The following EYS variants were observed in gnomAD, a reference collection of about 807,000 sequenced individuals.
The protein encoded by EYS is EGF-like photoreceptor maintenance factor.
EYS carries 250 observed loss-of-function variants against 282.1 expected under a neutral mutation model. The ratio of observed to expected loss-of-function variants is 0.89; its 90% CI spans 0.80 to 0.98. The LOEUF is 0.98. EYS is among the 50% of genes least tolerant of loss of function. The probability of loss-of-function intolerance (pLI) is 0.00; values close to 1 mark genes in which losing one functional copy is unlikely to be tolerated. For synonymous variants in EYS, 1,355 were observed against 1,282.9 expected, an observed-to-expected ratio of 1.06 and a Z score of -1.20; for missense variants, 4,016 against 3,709.0, an observed-to-expected ratio of 1.08 and a Z score of -2.15.
intron 2 of EYS, among the ~76,000 whole-genome samples, chr6:65,503,631 T>C (rs1766541549): frequency 6.6e-6 from 1 of 151,620 alleles, no homozygotes; most frequent in African/African-American, 2.4e-5. Flanking sequence ...TTGTGAAGAG[T>C]GTAAGTTGTA....
At chr6:65,359,087 C>T (rs1334694930) in intron 8 of EYS, among the ~76,000 whole-genome samples, 1 of 151,922 alleles carries the variant, frequency 6.6e-6, no homozygotes, top group African/African-American at 2.4e-5. Context: ...CTTTGAACCT[C>T]AATAAGCTTG....
chr6:65,401,396 GT>G lies in EYS; in HGVS notation c.1184+1081del, dbSNP rs552217702. On this transcript the variant is annotated intron_variant, in intron 7 of 42. Coordinates refer to ENST00000503581, the MANE Select transcript of EYS (RefSeq NM_001142800.2). Reference sequence around the variant, plus strand: ...TTATGTTTGGGGAGGAGATGTATTTGTTTTTTTTTTTAAGTTGATCACTTTT... The same window carrying G: ...TTATGTTTGGGGAGGAGATGTATTTGTTTTTTTTTTAAGTTGATCACTTTT... 5.5e-3 allele frequency among the ~76,000 whole-genome samples: 742 copies of G among 134,894 alleles called. 7 individuals are homozygous for G. The highest frequency in any genetic ancestry group is 0.018 in the African/African-American group (674 of 37,096). The allele number at this position is 134,894 out of a possible 152,430, so 88.5% of individuals were successfully genotyped here. A position where few individuals can be genotyped will look rare whatever the true frequency, so the allele number is the denominator to read the frequency against.
At chr6:64,593,682 C>T (rs371148514) in intron 24 of EYS, among the ~76,000 whole-genome samples, 1 of 152,042 alleles carries the variant, frequency 6.6e-6, no homozygotes, top group Non-Finnish European at 1.5e-5. Context: ...CTCTAAAAGT[C>T]AAATTTAGTT....
intron 22 of EYS, among the ~76,000 whole-genome samples, chr6:64,704,988 A>T (rs1360702700): frequency 6.6e-6 from 1 of 152,092 alleles, no homozygotes; most frequent in Non-Finnish European, 1.5e-5. Flanking sequence ...AGCAATCAGA[A>T]AAGATAAAAA....
At chr6:65,617,794 T>C (rs377086166) in intron 2 of EYS, among the ~76,000 whole-genome samples, 1 of 148,990 alleles carries the variant, frequency 6.7e-6, no homozygotes. Flanking sequence ...TGAGTGAGAA[T>C]ATGTGGTGTT....
At chr6:64,346,025 T>C (rs1314328692) in intron 29 of EYS, among the ~76,000 whole-genome samples, 1 of 152,068 alleles carries the variant, frequency 6.6e-6, no homozygotes. Flanking sequence ...CCGGTTAGAA[T>C]GGTGATCATT....
At chr6:64,649,587 C>G (rs1237988821) in intron 22 of EYS, among the ~76,000 whole-genome samples, 1 of 152,144 alleles carries the variant, frequency 6.6e-6, no homozygotes. Context: ...TTCTGCCTGC[C>G]TCAGCCTCCC....
intron 2 of EYS, among the ~76,000 whole-genome samples, chr6:65,625,215 C>G (rs1471638039): frequency 1.3e-5 from 2 of 152,132 alleles, no homozygotes; most frequent in Non-Finnish European, 2.9e-5. Context: ...TCTGAGCGAG[C>G]AAGGAAACAG....
chr6:64,365,405 C>T (rs1394021508), intron 29 of EYS, among the ~76,000 whole-genome samples: 1 of 152,006 alleles, frequency 6.6e-6, no homozygotes, highest in African/African-American at 2.4e-5. Flanking sequence ...TAGAACATCA[C>T]CATAGGGCAA....
chr6:63,981,828 C>T (rs1041996777), intron 35 of EYS, among the ~76,000 whole-genome samples: 8 of 151,764 alleles, frequency 5.3e-5, no homozygotes, highest in East Asian at 1.9e-4. Flanking sequence ...AGAGCTTCCA[C>T]GCTAGAATAA....
chr6:64,090,959 T>A (rs993765748), intron 31 of EYS, among the ~76,000 whole-genome samples: 1 of 152,162 alleles, frequency 6.6e-6, no homozygotes, highest in African/African-American at 2.4e-5. Context: ...TTATTCTGTT[T>A]AAAGAGTCTT....
chr6:64,441,141 A>C (rs1169417688), intron 26 of EYS, among the ~76,000 whole-genome samples: 4 of 152,208 alleles, frequency 2.6e-5, no homozygotes, highest in Non-Finnish European at 1.5e-5. Flanking sequence ...AGAAGGGACA[A>C]GACTACGTTG....
chr6:65,157,721 T>A (rs541462084), intron 12 of EYS, among the ~76,000 whole-genome samples: 1 of 150,726 alleles, frequency 6.6e-6, no homozygotes, highest in Non-Finnish European at 1.5e-5. Context: ...TATCTGAAAG[T>A]TTTCTTTAAG....
At chr6:65,425,110 G>A (rs1315550836) in intron 5 of EYS, among the ~76,000 whole-genome samples, 1 of 152,004 alleles carries the variant, frequency 6.6e-6, no homozygotes, top group Non-Finnish European at 1.5e-5. Context: ...CTGTATAAAT[G>A]TATATTTGAT....
At chr6:63,996,756 A>AT (rs1241082742) in intron 34 of EYS, among the ~76,000 whole-genome samples, 1 of 152,096 alleles carries the variant, frequency 6.6e-6, no homozygotes, top group Non-Finnish European at 1.5e-5. Flanking sequence ...TTTACTTCAT[A>AT]TTTTTTGGTA....
chr6:65,663,759 G>A (rs926700430), intron 1 of EYS, among the ~76,000 whole-genome samples: 2 of 152,052 alleles, frequency 1.3e-5, no homozygotes, highest in African/African-American at 4.8e-5. Context: ...TCAGCTCACT[G>A]CAAGCTCCGC....
intron 41 of EYS, among the ~76,000 whole-genome samples, chr6:63,759,539 A>T (rs748610031): frequency 1.3e-5 from 2 of 152,130 alleles, no homozygotes; most frequent in Non-Finnish European, 2.9e-5. Context: ...GTGTGTTCCT[A>T]GGAATCATAG....
In EYS at chr6:65,557,481, T is replaced by C. The variant is rs1056337675; in HGVS notation, c.-332-61488A>G. On this transcript the variant is annotated intron_variant, in intron 2 of 42. Transcript: ENST00000503581. ...GCAGTCTCTGCTGCAGGCACCAGCA[T>C]CCAGAGGAGGAGAACGCAGTGGCAA... Among the ~76,000 whole-genome samples, 3 of 152,098 alleles carry C rather than the reference T, an allele frequency of 2.0e-5. No individual in the cohort carries two copies. The East Asian group carries it at 5.8e-4, about 29-fold the overall frequency.
Position 64,591,012 on chromosome 6 carries a change from G to T in EYS, c.4855C>A (p.Pro1619Thr). The change falls in exon 26 of 43, where the codon CCA (proline) becomes ACA (threonine). Residue 1619 changes from proline to threonine, a missense_variant. By Grantham distance (38) the Pro-to-Thr change is conservative. Transcript: ENST00000503581. ...GGCACTTCTGTGAATGCCACTGATG[G>T]TGTTATTTCAGTAGCAGAAGAAAAT... Reference protein sequence around the residue: ...HSFSSATEITPSVAFTEVPSL... With the variant: ...HSFSSATEITTSVAFTEVPSL... 1 of 1,551,296 alleles carries T rather than the reference G, an allele frequency of 6.4e-7. No homozygotes were observed. The highest frequency in any genetic ancestry group is 8.7e-7 in the Non-Finnish European group (1 of 1,146,760).
Sources: allele counts gnomAD v4.1 joint callset (sites outside exome capture counted in the v4.1 genomes callset), GRCh38; gene constraint gnomAD v4.1.1; transcripts MANE v1.5; gene names NCBI Gene and HGNC (gene_info 2026-07-23, HGNC 2026-07-21).